GRID2: variants seen among roughly 807,000 people sequenced by gnomAD.
GRID2 encodes glutamate ionotropic receptor delta type subunit 2, also known as glutamate receptor ionotropic, delta-2.
A neutral mutation model predicts 114.8 loss-of-function variants in GRID2; 33 were observed. That is an observed-to-expected ratio of 0.29 (90% CI 0.22 to 0.38). The LOEUF is 0.38. Ranked by LOEUF, GRID2 falls within the 10% of genes least tolerant of loss-of-function variation. GRID2 has a pLI of 1.00. For synonymous variants in GRID2, 505 were observed against 449.9 expected, an observed-to-expected ratio of 1.12 and a Z score of -1.55; for missense variants, 1,184 against 1,257.7, an observed-to-expected ratio of 0.94 and a Z score of 0.89.
At chr4:92,381,374 G>A (rs1182031296) in intron 1 of GRID2, among the ~76,000 whole-genome samples, 3 of 151,998 alleles carry the variant, frequency 2.0e-5, no homozygotes, top group East Asian at 1.9e-4. Context: ...TAGGCTGCTC[G>A]TGTGCTTTGG....
At chr4:92,877,440 C>G (rs1186295834) in intron 2 of GRID2, among the ~76,000 whole-genome samples, 1 of 152,194 alleles carries the variant, frequency 6.6e-6, no homozygotes, top group Non-Finnish European at 1.5e-5. Context: ...AACTTTGTAA[C>G]TGTGCTGAGT....
intron 1 of GRID2, among the ~76,000 whole-genome samples, chr4:92,429,453 A>T (rs1732329268): frequency 1.3e-5 from 2 of 152,058 alleles, no homozygotes; most frequent in Admixed American, 6.6e-5. Flanking sequence ...CCCGAATAGT[A>T]CCCCATTCTG....
chr4:92,768,010 CTGT>C (rs1738350190), intron 2 of GRID2, among the ~76,000 whole-genome samples: 1 of 151,642 alleles, frequency 6.6e-6, no homozygotes, highest in African/African-American at 2.4e-5. Flanking sequence ...ATTATTATAT[CTGT>C]TATTTGTGTA....
chr4:93,375,901 C>G (rs561569524), intron 8 of GRID2, among the ~76,000 whole-genome samples: 1 of 152,038 alleles, frequency 6.6e-6, no homozygotes, highest in Non-Finnish European at 1.5e-5. Context: ...GTGGCTGAAA[C>G]GACAAAAATT....
At chr4:92,396,830 A>C (rs528954087) in intron 1 of GRID2, among the ~76,000 whole-genome samples, 1 of 152,206 alleles carries the variant, frequency 6.6e-6, no homozygotes, top group South Asian at 2.1e-4. Flanking sequence ...AATTCTAAAT[A>C]AGAAATTCCA....
At chr4:93,281,526 A>G (rs1176246126) in intron 8 of GRID2, among the ~76,000 whole-genome samples, 1 of 152,048 alleles carries the variant, frequency 6.6e-6, no homozygotes, top group African/African-American at 2.4e-5. Context: ...AAATGAATGG[A>G]AAAACTAGGT....
intron 2 of GRID2, among the ~76,000 whole-genome samples, chr4:92,659,672 G>A (rs1732425937): frequency 6.6e-6 from 1 of 151,286 alleles, no homozygotes; most frequent in South Asian, 2.1e-4. Context: ...AAGGATGTGG[G>A]GGGAAAGTAA....
chr4:92,538,220 AC>A (rs1287793275), intron 1 of GRID2, among the ~76,000 whole-genome samples: 1 of 152,156 alleles, frequency 6.6e-6, no homozygotes, highest in African/African-American at 2.4e-5. Flanking sequence ...TGTAATCTGA[AC>A]CCAAGCCTGT....
At chr4:92,442,203 C>G (rs574584078) in intron 1 of GRID2, among the ~76,000 whole-genome samples, 3 of 147,790 alleles carry the variant, frequency 2.0e-5, no homozygotes, top group African/African-American at 7.3e-5. Flanking sequence ...TAGGGGGCTT[C>G]CGAGGCGATC....
rs891690723 is a variant in GRID2 at position 93,590,738 on chromosome 4, C to T, written c.2194-35531C>T. On this transcript the variant is annotated intron_variant, in intron 13 of 15. Transcript: ENST00000282020. ...TATCCTCTTTTATTTCCGTGAGCAG[C>T]GGTTTGTAGTTCTCCTTGAAGAGGT... 2.9e-3 allele frequency among the ~76,000 whole-genome samples: 447 copies of T among 152,062 alleles called. 2 individuals carry two copies. The highest frequency in any genetic ancestry group is 4.7e-3 in the Non-Finnish European group (321 of 67,974).
intron 8 of GRID2, among the ~76,000 whole-genome samples, chr4:93,286,349 G>T (rs1180313871): frequency 6.6e-6 from 1 of 152,020 alleles, no homozygotes; most frequent in African/African-American, 2.4e-5. Flanking sequence ...ACCAATGATT[G>T]GCTCCCAGTA....
intron 2 of GRID2, among the ~76,000 whole-genome samples, chr4:92,636,007 G>A (rs1389390688): frequency 2.6e-5 from 4 of 152,062 alleles, no homozygotes; most frequent in Non-Finnish European, 5.9e-5. Flanking sequence ...ATTGGTGCCT[G>A]ATAAATCATA....
intron 14 of GRID2, among the ~76,000 whole-genome samples, chr4:93,683,536 A>G (rs1303241742): frequency 6.6e-6 from 1 of 152,084 alleles, no homozygotes; most frequent in Non-Finnish European, 1.5e-5. Context: ...AGAGATTCTG[A>G]GTCGTAAAGT....
At chr4:92,440,562 A>G (rs1732994603) in intron 1 of GRID2, among the ~76,000 whole-genome samples, 1 of 151,992 alleles carries the variant, frequency 6.6e-6, no homozygotes, top group East Asian at 1.9e-4. Context: ...GAGGAGTAGT[A>G]GAATAGCAGA....
At chr4:93,093,240 G>A (rs1273907623) in intron 3 of GRID2, among the ~76,000 whole-genome samples, 1 of 151,986 alleles carries the variant, frequency 6.6e-6, no homozygotes, top group Non-Finnish European at 1.5e-5. Context: ...CAGGCTTTCG[G>A]TTTCAGTTAA....
At chr4:92,865,342 G>A (rs548082255) in intron 2 of GRID2, among the ~76,000 whole-genome samples, 6 of 152,124 alleles carry the variant, frequency 3.9e-5, no homozygotes, top group Non-Finnish European at 7.4e-5. Context: ...ATAGGTTATT[G>A]AAGTAATAAA....
intron 2 of GRID2, among the ~76,000 whole-genome samples, chr4:92,918,010 A>G (rs937510469): frequency 6.6e-6 from 1 of 152,010 alleles, no homozygotes; most frequent in East Asian, 1.9e-4. Flanking sequence ...ATTTGTTTGT[A>G]TCCTCTTTTA....
intron 4 of GRID2, among the ~76,000 whole-genome samples, chr4:93,154,426 C>T (rs1202620880): frequency 2.0e-5 from 3 of 151,846 alleles, no homozygotes; most frequent in Non-Finnish European, 2.9e-5. Context: ...TATAGGCTAA[C>T]CTTGCCTTTA....
intron 1 of GRID2, among the ~76,000 whole-genome samples, chr4:93,782,660 A>C (rs566041644): frequency 9.3e-4 from 142 of 152,266 alleles, no homozygotes; most frequent in African/African-American, 3.3e-3. Context: ...ACTCTAACCA[A>C]CTTTCAACAC....
Sources: gnomAD v4.1 joint callset for allele counts (sites outside exome capture counted in the v4.1 genomes callset) on GRCh38, gnomAD v4.1.1 for gene constraint, MANE v1.5 for transcripts, NCBI Gene and HGNC (gene_info 2026-07-23, HGNC 2026-07-21) for gene names.